SCAF11: variants seen among roughly 807,000 people sequenced by gnomAD.
The protein encoded by SCAF11 is protein SCAF11.
A neutral mutation model predicts 140.5 loss-of-function variants in SCAF11; 47 were observed. The observed-to-expected ratio is 0.33, with a 90% confidence interval of 0.26 to 0.43. The LOEUF is 0.43. Ranked by LOEUF, SCAF11 falls within the 20% of genes least tolerant of loss-of-function variation. SCAF11 has a pLI of 1.00. For synonymous variants in SCAF11, 557 were observed against 579.4 expected (o/e 0.96, Z 0.55); for missense variants, 1,645 against 1,705.1 (o/e 0.96, Z 0.62).
chr12:45,964,890 T>C, intron 1 of SCAF11, among the ~76,000 whole-genome samples: 1 of 152,016 alleles, frequency 6.6e-6, no homozygotes, highest in East Asian at 1.9e-4. Flanking sequence ...GCTAGGCCAA[T>C]CTCACAATTG....
rs1592206040 is a variant in SCAF11 at position 45,961,541 on chromosome 12, G to A, written c.219+159C>T. On this transcript the variant is annotated intron_variant, in intron 3 of 14. Coordinates refer to ENST00000369367, the MANE Select transcript of SCAF11 (RefSeq NM_004719.3). ...ATCAAAGCCTGATAAAAGAAAATTA[G>A]AAGAAAATGACTGACAGAATTTGAA... The A allele has an allele frequency of 1.6e-5, 10 of 628,814 alleles. No individual in the cohort carries two copies. In the East Asian group the frequency reaches 2.6e-4, roughly 16 times the overall value. 39.0% of individuals were successfully genotyped at this position (628,814 alleles called of 1,614,324 possible).
chr12:45,990,590 T>A (rs911639979), upstream of SCAF11: 6 of 1,229,576 alleles, frequency 4.9e-6, no homozygotes, highest in East Asian at 1.6e-4. Context: ...TCCCCCGCCT[T>A]GTCTAGCCTC....
In SCAF11 at chr12:45,922,949, G is replaced by C; in HGVS notation, c.4112C>G (p.Ser1371Trp). 4 of 1,613,966 alleles carry C rather than the reference G, an allele frequency of 2.5e-6. No individual in the cohort carries two copies. Among genetic ancestry groups the C allele is most frequent in the Non-Finnish European group, 3.4e-6 (4 of 1,179,940 alleles). The change falls in exon 13 of 15, where the codon TCG (serine) becomes TGG (tryptophan). Residue 1371 changes from serine (S) to tryptophan (W), a missense_variant. By Grantham distance (177) the Ser-to-Trp change is radical. Transcript: ENST00000369367. ...SVAVEASADS[S>W]KTDKKLQIQE... ...CCTTGAACTTGCCTTGTCTGTCTTCGAGCTATCTGCGCTGGCTTCCACTGC... is the reference window on the plus strand; with the variant it reads ...CCTTGAACTTGCCTTGTCTGTCTTCCAGCTATCTGCGCTGGCTTCCACTGC...
At chr12:45,922,861 T>C (rs990036110) in intron 13 of SCAF11, 75 bp downstream of exon 13, 2 of 1,355,610 alleles carry the variant, frequency 1.5e-6, no homozygotes, top group Non-Finnish European at 2.1e-6. Context: ...TCACCACTCA[T>C]ACAATAAAAA....
chr12:45,979,886 AT>A (rs1378643238), intron 1 of SCAF11, among the ~76,000 whole-genome samples: 15 of 146,506 alleles, frequency 1.0e-4, no homozygotes, highest in African/African-American at 4.2e-4. Context: ...CAAACTTAAA[AT>A]TAAAAAAAAA....
At chr12:45,955,907 T>C (rs1264402961) in intron 3 of SCAF11, 3 of 508,576 alleles carry the variant, frequency 5.9e-6, no homozygotes, top group African/African-American at 2.0e-5. Context: ...TACAGTGTAA[T>C]GTGTATTAAA....
intron 6 of SCAF11, among the ~76,000 whole-genome samples, chr12:45,943,220 T>C (rs1251913753): frequency 6.6e-6 from 1 of 152,194 alleles, no homozygotes; most frequent in Non-Finnish European, 1.5e-5. Context: ...ATGAGTAAAG[T>C]GGTCCCCCCT....
chr12:45,943,137 T>C lies in SCAF11; in HGVS notation c.463+2112A>G, dbSNP rs114514254. ...TCAATATAGGAAGAAAAACTGACCA[T>C]GTTAGACTTATCAAATTTCCCTAGT... On this transcript the variant is annotated intron_variant, in intron 6 of 14. Coordinates refer to ENST00000369367, the MANE Select transcript of SCAF11 (RefSeq NM_004719.3). Among the ~76,000 whole-genome samples, 920 of 152,290 alleles carry C rather than the reference T, an allele frequency of 6.0e-3. 16 individuals carry two copies. The highest frequency in any genetic ancestry group is 0.021 in the African/African-American group (858 of 41,566).
chr12:45,927,617 G>A lies in SCAF11; in HGVS notation c.2084C>T (p.Thr695Ile). 1.2e-6 allele frequency: 2 copies of A among 1,612,860 alleles called. No individual in the cohort carries two copies. The highest frequency in any genetic ancestry group is 1.7e-6 in the Non-Finnish European group (2 of 1,179,974). Residue 695 changes from threonine (T) to isoleucine (I), a missense_variant, in exon 11 of 15, where the codon ACA becomes ATA. Coordinates refer to ENST00000369367, the MANE Select transcript of SCAF11 (RefSeq NM_004719.3). ...TTCAATGTGTGTTTTAGGCAACTCT[G>A]TAGATCTAGGATGTTCGGTCAGCGA... ...NESLTEHPRS[T>I]ELPKTHIEQI...
rs145446909 is a variant in SCAF11, at chr12:45,972,779, C to T, written c.-21-8591G>A. ...AAAAGACAATTAAAAGAAAACACCA[C>T]CAAGATGATACAGCTGGGTGAATTA... On this transcript the variant is annotated intron_variant, in intron 1 of 14. Coordinates refer to ENST00000369367, the MANE Select transcript of SCAF11 (RefSeq NM_004719.3). 2.1e-3 allele frequency among the ~76,000 whole-genome samples: 306 copies of T among 146,088 alleles called. 1 individual carries two copies. The highest frequency in any genetic ancestry group is 3.6e-3 in the Non-Finnish European group (243 of 66,950).
chr12:45,953,603 A>C (rs911692602), intron 3 of SCAF11, among the ~76,000 whole-genome samples: 1 of 152,182 alleles, frequency 6.6e-6, no homozygotes, highest in Admixed American at 6.5e-5. Context: ...ATTTTTACAA[A>C]AGCTTCAAAA....
Position 45,920,714 on chromosome 12 carries a change from G to A in SCAF11, c.*1334C>T, listed in dbSNP as rs1382266139. 1 of 152,172 alleles carries A rather than the reference G, an allele frequency of 6.6e-6. No homozygotes were observed. Among genetic ancestry groups the A allele is most frequent in the African/African-American group, 2.4e-5 (1 of 41,290 alleles). The allele number at this position is 152,172 out of a possible 1,614,324, so 9.4% of individuals were successfully genotyped here. A position where few individuals can be genotyped will look rare whatever the true frequency, so the allele number is the denominator to read the frequency against. The stretch of plus-strand genomic sequence containing the variant: ...CACAGGTTTTACTGTCTAGAATTTT[G>A]CAACATGGCTAATGGCTACCACCTG... On this transcript the variant is annotated 3_prime_UTR_variant, in exon 15 of 15. Transcript: ENST00000369367.
chr12:45,987,510 T>C (rs1946484349), intron 1 of SCAF11, among the ~76,000 whole-genome samples: 1 of 152,158 alleles, frequency 6.6e-6, no homozygotes. Context: ...AAATAAACAA[T>C]AAACCTAAGT....
chr12:45,927,389 G>A lies in SCAF11; in HGVS notation c.2312C>T (p.Ser771Phe), dbSNP rs745964339. 27 of 1,613,882 alleles carry A rather than the reference G, an allele frequency of 1.7e-5. No individual in the cohort carries two copies. The Admixed American group carries it at 4.2e-4, about 25-fold the overall frequency. Residue 771 changes from serine to phenylalanine, a missense_variant, in exon 11 of 15, where the codon TCT becomes TTT. By Grantham distance (155) the Ser-to-Phe change is radical (BLOSUM62 -2). Coordinates refer to ENST00000369367, the MANE Select transcript of SCAF11 (RefSeq NM_004719.3). Reference sequence around the variant, plus strand: ...ATCTTTTGGGCTTTCAGATGGTTGAGAAACAGTTTCAACCTTTTCATCCGC... The same window carrying A: ...ATCTTTTGGGCTTTCAGATGGTTGAAAAACAGTTTCAACCTTTTCATCCGC... ...DLADEKVETV[S>F]QPSESPKDTI...
chr12:45,989,411 T>C (rs1041749272), intron 1 of SCAF11, among the ~76,000 whole-genome samples: 6 of 152,226 alleles, frequency 3.9e-5, no homozygotes, highest in African/African-American at 1.4e-4. Flanking sequence ...TTAGCCAAAA[T>C]GTAATCCAAA....
rs1029438019 is a variant in SCAF11 at position 45,921,891 on chromosome 12, A to G, written c.*157T>C. The G allele has an allele frequency of 2.4e-6, 2 of 834,078 alleles. No individual in the cohort carries two copies. Among genetic ancestry groups the G allele is most frequent in the South Asian group, 1.8e-5 (1 of 56,160 alleles). The allele number at this position is 834,078 out of a possible 1,614,324, so 51.7% of individuals were successfully genotyped here. A position where few individuals can be genotyped will look rare whatever the true frequency, so the allele number is the denominator to read the frequency against. On this transcript the variant is annotated 3_prime_UTR_variant, in exon 15 of 15. Transcript: ENST00000369367. ...GATACAGAAGTTGCAGTGCAGACCT[A>G]TATTTATTTAGAACAAAACATCATA...
In SCAF11 at chr12:45,964,099, A is replaced by G. The variant is rs749401649; in HGVS notation, c.61+8T>C. On this transcript the variant is annotated splice_region_variant and intron_variant, in intron 2 of 14. Transcript: ENST00000369367. The stretch of plus-strand genomic sequence containing the variant: ...CAACAAACAAACTTTATAAAAATGA[A>G]AAGTTACCTTCCATGTCTTCATACT... The G allele has an allele frequency of 2.8e-6, 4 of 1,420,128 alleles. No homozygotes were observed. The South Asian group carries it at 4.8e-5, about 17-fold the overall frequency. The allele number at this position is 1,420,128 out of a possible 1,614,324, so 88.0% of individuals were successfully genotyped here.
At chr12:45,948,291 T>A in intron 5 of SCAF11, 146 bp downstream of exon 5, 1 of 573,558 alleles carries the variant, frequency 1.7e-6, no homozygotes, top group African/African-American at 1.9e-5. Context: ...AGATTTCAGC[T>A]AGTCCCTCCT....
At chr12:45,982,156 C>G (rs1245803540) in intron 1 of SCAF11, among the ~76,000 whole-genome samples, 1 of 152,116 alleles carries the variant, frequency 6.6e-6, no homozygotes, top group Admixed American at 6.5e-5. Flanking sequence ...TTCGTTTCAT[C>G]CATCTCCCTC....
Sources: gnomAD v4.1 joint callset for allele counts (sites outside exome capture counted in the v4.1 genomes callset) on GRCh38, gnomAD v4.1.1 for gene constraint, MANE v1.5 for transcripts, NCBI Gene and HGNC (gene_info 2026-07-23, HGNC 2026-07-21) for gene names.